Variants in NME7 observed in about 807,000 individuals in gnomAD.
NME7 encodes the protein nucleoside diphosphate kinase 7.
Under a neutral mutation model 49.1 loss-of-function variants are expected in NME7, and 41 were observed. The observed-to-expected ratio is 0.83, with a 90% CI of 0.65 to 1.08. The LOEUF is 1.08. Among genes scored for constraint, NME7 ranks in the 50% least tolerant of loss-of-function variants. The probability of loss-of-function intolerance (pLI) is 0.00; values close to 1 mark genes in which losing one functional copy is unlikely to be tolerated. For missense variants in NME7, 423 were observed against 463.4 expected (o/e 0.91, Z 0.80); for synonymous variants, 139 against 150.6 (o/e 0.92, Z 0.56).
intron 11 of NME7, among the ~76,000 whole-genome samples, chr1:169,151,294 T>C (rs569367831): frequency 8.4e-4 from 128 of 152,234 alleles, no homozygotes; most frequent in African/African-American, 2.9e-3. Flanking sequence ...TCCCGGGTGC[T>C]TCAGGGGCAG....
chr1:169,310,073 C>A lies in NME7; in HGVS notation c.286G>T (p.Ala96Ser), dbSNP rs1651327641. Residue 96 changes from alanine to serine, a missense_variant, in exon 4 of 12, where the codon GCC becomes TCC. Physicochemically the swap from Ala to Ser is moderately conservative, Grantham distance 99. Coordinates refer to ENST00000367811, the MANE Select transcript of NME7 (RefSeq NM_013330.5). The stretch of plus-strand genomic sequence containing the variant: ...GATATTGCATCTGGTTTAATTAGGG[C>A]TAGCGTTCTATAAGGAAACAAAAAA... Reference protein sequence around the residue: ...QLGSRKEKTLALIKPDAISKA... With the variant: ...QLGSRKEKTLSLIKPDAISKA... The A allele has an allele frequency of 1.9e-6, 3 of 1,581,956 alleles. No individual in the cohort carries two copies. Among genetic ancestry groups the A allele is most frequent in the Middle Eastern group, 1.7e-4 (1 of 5,968 alleles).
At chr1:169,229,620 A>G (rs1001902964) in intron 10 of NME7, among the ~76,000 whole-genome samples, 1 of 152,218 alleles carries the variant, frequency 6.6e-6, no homozygotes, top group Non-Finnish European at 1.5e-5. Context: ...TTGACACAAG[A>G]TGATTTCTTA....
chr1:169,220,102 T>C (rs1470734401), intron 10 of NME7, among the ~76,000 whole-genome samples: 1 of 152,182 alleles, frequency 6.6e-6, no homozygotes, highest in Non-Finnish European at 1.5e-5. Context: ...ATACTTTAGC[T>C]TTCAACCCAT....
chr1:169,150,896 C>G lies in NME7; in HGVS notation c.1099-18079G>C, dbSNP rs1259977800. On this transcript the variant is annotated intron_variant, in intron 11 of 11. Coordinates refer to ENST00000367811, the MANE Select transcript of NME7 (RefSeq NM_013330.5). Reference sequence around the variant, plus strand: ...AAAGGCTACACTAAAAGAATAAAAGCCTTTTCCCCGCTATGTTCCTATAAA... The same window carrying G: ...AAAGGCTACACTAAAAGAATAAAAGGCTTTTCCCCGCTATGTTCCTATAAA... 3.3e-5 allele frequency among the ~76,000 whole-genome samples: 5 copies of G among 152,134 alleles called. No individual in the cohort carries two copies. The South Asian group carries it at 1.0e-3, about 31-fold the overall frequency.
At chr1:169,314,245 T>A (rs964221068) in intron 3 of NME7, among the ~76,000 whole-genome samples, 5 of 151,820 alleles carry the variant, frequency 3.3e-5, no homozygotes, top group African/African-American at 1.2e-4. Flanking sequence ...TAGTAAATCA[T>A]TAGGTTCATG....
intron 11 of NME7, among the ~76,000 whole-genome samples, chr1:169,148,795 A>G (rs1269564391): frequency 6.6e-6 from 1 of 152,238 alleles, no homozygotes; most frequent in East Asian, 1.9e-4. Flanking sequence ...ATGTGAACAC[A>G]ATACCAGCTG....
intron 5 of NME7, 22 bp from the exon 6 acceptor site, chr1:169,298,785 A>G (rs57776592): frequency 0.053 from 83,943 of 1,597,026 alleles, 2,689 homozygotes; most frequent in Middle Eastern, 0.11. Flanking sequence ...ATAGAAGATT[A>G]GTTTGCTTCT....
chr1:169,283,124 G>A (rs1650101084), intron 7 of NME7, among the ~76,000 whole-genome samples: 2 of 152,092 alleles, frequency 1.3e-5, no homozygotes, highest in African/African-American at 4.8e-5. Flanking sequence ...ATGAATCTGG[G>A]TGCGCTTGTA....
intron 7 of NME7, among the ~76,000 whole-genome samples, chr1:169,263,484 T>C (rs1284474817): frequency 7.5e-6 from 1 of 132,972 alleles, no homozygotes; most frequent in African/African-American, 2.5e-5. Context: ...AACAGCAGAA[T>C]AGAACAAGTG....
At chr1:169,284,603 C>T (rs1002012064) in intron 7 of NME7, 2 of 152,102 alleles carry the variant, frequency 1.3e-5, no homozygotes, top group African/African-American at 4.8e-5. Context: ...TCCAATCTGG[C>T]AATTTTTGTT....
intron 11 of NME7, among the ~76,000 whole-genome samples, chr1:169,157,601 A>T (rs1659115872): frequency 6.6e-6 from 1 of 152,214 alleles, no homozygotes; most frequent in South Asian, 2.1e-4. Context: ...CAATCAGGTC[A>T]TGGCTGGCTC....
At chr1:169,185,454 T>C (rs1200074) in intron 10 of NME7, among the ~76,000 whole-genome samples, 149,329 of 152,278 alleles carry the variant, frequency 0.98, 73,236 homozygotes, top group East Asian at 1. Flanking sequence ...CTCTGTGATA[T>C]TCAAAATCCC....
At chr1:169,147,718 A>G (rs1055094286) in intron 11 of NME7, among the ~76,000 whole-genome samples, 6 of 152,246 alleles carry the variant, frequency 3.9e-5, no homozygotes, top group Non-Finnish European at 7.3e-5. Flanking sequence ...TCGTAACTAT[A>G]TCAAGTAAGC....
At chr1:169,336,187 G>A (rs1037020944) in intron 1 of NME7, among the ~76,000 whole-genome samples, 2 of 151,998 alleles carry the variant, frequency 1.3e-5, no homozygotes, top group African/African-American at 2.4e-5. Flanking sequence ...CTCCCGGTGG[G>A]CTCGTGGTCT....
intron 4 of NME7, among the ~76,000 whole-genome samples, chr1:169,306,660 T>G (rs1489124034): frequency 6.6e-6 from 1 of 152,168 alleles, no homozygotes; most frequent in Non-Finnish European, 1.5e-5. Flanking sequence ...AATTCATCTA[T>G]AAGTAAGTGG....
At chr1:169,343,123 A>G (rs1369124491) in intron 1 of NME7, among the ~76,000 whole-genome samples, 2 of 149,830 alleles carry the variant, frequency 1.3e-5, no homozygotes, top group Non-Finnish European at 3.0e-5. Flanking sequence ...TTTGTTGGGG[A>G]GGGAATGGCA....
chr1:169,180,372 G>A (rs754664668), intron 10 of NME7, among the ~76,000 whole-genome samples: 21 of 152,172 alleles, frequency 1.4e-4, no homozygotes, highest in Non-Finnish European at 3.1e-4. Flanking sequence ...CAGCACAATT[G>A]CTGACGAGGC....
chr1:169,335,141 A>G (rs1450103546), intron 1 of NME7, among the ~76,000 whole-genome samples: 1 of 152,200 alleles, frequency 6.6e-6, no homozygotes, highest in Non-Finnish European at 1.5e-5. Flanking sequence ...ATTGTGGAAG[A>G]CAGTATGGTG....
intron 7 of NME7, among the ~76,000 whole-genome samples, chr1:169,257,291 A>C (rs181376124): frequency 4.5e-5 from 6 of 134,668 alleles, no homozygotes; most frequent in African/African-American, 1.5e-4. Flanking sequence ...AGCCTGTCAG[A>C]AAAGCGCAGT....
Sources: gnomAD v4.1 joint callset for allele counts (sites outside exome capture counted in the v4.1 genomes callset) on GRCh38, gnomAD v4.1.1 for gene constraint, MANE v1.5 for transcripts, NCBI Gene and HGNC (gene_info 2026-07-23, HGNC 2026-07-21) for gene names.